GFRA2: variants seen among roughly 807,000 people sequenced by gnomAD.
GFRA2 encodes the protein GDNF family receptor alpha 2.
A neutral mutation model predicts 48.3 loss-of-function variants in GFRA2; 17 were observed. That is an observed-to-expected ratio of 0.35 (90% CI 0.24 to 0.53). The LOEUF is 0.53. GFRA2 is among the 20% of genes least tolerant of loss of function. The probability of loss-of-function intolerance (pLI) is 0.93; values close to 1 mark genes in which losing one functional copy is unlikely to be tolerated. For synonymous variants in GFRA2, 305 were observed against 257.2 expected (o/e 1.19, Z -1.78); for missense variants, 660 against 637.3 (o/e 1.04, Z -0.38).
upstream of GFRA2, chr8:21,790,147 G>A: frequency 3.1e-6 from 3 of 962,920 alleles, no homozygotes; most frequent in Non-Finnish European, 3.7e-6. Context: ...GAAAGGGCTG[G>A]AGGAGAGGTG....
intron 2 of GFRA2, among the ~76,000 whole-genome samples, chr8:21,794,185 C>G (rs1807627438): frequency 1.4e-5 from 2 of 143,252 alleles, no homozygotes; most frequent in Non-Finnish European, 3.0e-5. Flanking sequence ...TACTGTGGAC[C>G]TTGTTTTATT....
intron 4 of GFRA2, among the ~76,000 whole-genome samples, chr8:21,742,060 A>T (rs75398458): frequency 3.8e-4 from 58 of 152,348 alleles, no homozygotes; most frequent in African/African-American, 1.3e-3. Context: ...GGATACAGAC[A>T]AGTTCTAAAG....
intron 2 of GFRA2, among the ~76,000 whole-genome samples, chr8:21,801,085 A>G (rs1405049291): frequency 1.3e-5 from 2 of 152,096 alleles, no homozygotes; most frequent in South Asian, 4.2e-4. Context: ...CTGACAACTC[A>G]TTAAAACAAA....
intron 2 of GFRA2, among the ~76,000 whole-genome samples, chr8:21,798,202 T>C (rs1327861290): frequency 6.6e-6 from 1 of 152,168 alleles, no homozygotes; most frequent in Admixed American, 6.5e-5. Context: ...TGGGAGAACA[T>C]CCCACCCAGC....
At chr8:21,734,794 G>A (rs1804368792) in intron 4 of GFRA2, among the ~76,000 whole-genome samples, 1 of 152,204 alleles carries the variant, frequency 6.6e-6, no homozygotes, top group Non-Finnish European at 1.5e-5. Flanking sequence ...AAATTCTGCT[G>A]TGATGATCTT....
At chr8:21,812,005 A>T (rs1264981023) in intron 1 of GFRA2, among the ~76,000 whole-genome samples, 1 of 152,066 alleles carries the variant, frequency 6.6e-6, no homozygotes, top group East Asian at 1.9e-4. Flanking sequence ...TTCCCTCTCC[A>T]TATAGATCCC....
intron 4 of GFRA2, among the ~76,000 whole-genome samples, chr8:21,716,845 C>T (rs976304821): frequency 6.6e-6 from 1 of 152,198 alleles, no homozygotes; most frequent in Non-Finnish European, 1.5e-5. Flanking sequence ...CAAAGGACCT[C>T]CCGAAACATG....
chr8:21,762,494 TGACACCAGGACCACCC>T (rs1409778366), intron 3 of GFRA2, among the ~76,000 whole-genome samples: 1 of 152,166 alleles, frequency 6.6e-6, no homozygotes, highest in East Asian at 1.9e-4. Flanking sequence ...AGCCCTACCA[TGACACCAGGACCACCC>T]AGCAGTCTCC....
At chr8:21,721,587 G>A (rs1213417817) in intron 4 of GFRA2, among the ~76,000 whole-genome samples, 1 of 152,224 alleles carries the variant, frequency 6.6e-6, no homozygotes, top group Non-Finnish European at 1.5e-5. Flanking sequence ...ACAAAAGAGT[G>A]TTTGGGAGAT....
At chr8:21,793,873 T>TTG (rs1456821205), upstream of GFRA2, among the ~76,000 whole-genome samples, 8 of 151,654 alleles carry the variant, frequency 5.3e-5, no homozygotes, top group African/African-American at 1.9e-4. Context: ...AAAGTTTTTT[T>TTG]TTTTTTTTTT....
intron 4 of GFRA2, among the ~76,000 whole-genome samples, chr8:21,730,677 C>T (rs986249205): frequency 1.3e-5 from 2 of 152,132 alleles, no homozygotes; most frequent in Admixed American, 6.5e-5. Context: ...ACACACAGTC[C>T]ACACAAGCTC....
At chr8:21,705,582 C>T (rs1175043289) in intron 5 of GFRA2, among the ~76,000 whole-genome samples, 2 of 152,190 alleles carry the variant, frequency 1.3e-5, no homozygotes, top group Non-Finnish European at 2.9e-5. Flanking sequence ...TTATCAGCAC[C>T]CCGCTAGCAA....
intron 7 of GFRA2, among the ~76,000 whole-genome samples, chr8:21,696,133 TCTCCCTCTGTC>T (rs1266359130): frequency 1.1e-3 from 5 of 4,648 alleles, no homozygotes; most frequent in Non-Finnish European, 8.6e-4. Context: ...TCCCCTCCCC[TCTCCCTCTGTC>T]CCCTCTCCCT....
At chr8:21,758,269 C>T (rs559922730) in intron 3 of GFRA2, among the ~76,000 whole-genome samples, 16 of 152,184 alleles carry the variant, frequency 1.1e-4, no homozygotes, top group South Asian at 6.2e-4. Flanking sequence ...CCTTCACAGA[C>T]GGTGGTCTGT....
intron 8 of GFRA2, among the ~76,000 whole-genome samples, chr8:21,694,077 T>TTATATATATATATATATATATATATATA (rs1161900689): frequency 2.7e-5 from 3 of 109,294 alleles, no homozygotes; most frequent in Non-Finnish European, 6.0e-5. Flanking sequence ...TTATTTATTT[T>TTATATATATATATATATATATATATATA]TATATATATA....
chr8:21,749,370 G>T (rs532517127), intron 4 of GFRA2, among the ~76,000 whole-genome samples: 7 of 152,154 alleles, frequency 4.6e-5, no homozygotes, highest in African/African-American at 1.7e-4. Flanking sequence ...TGTGACGTGG[G>T]TATTTTTACT....
At chr8:21,736,260 AAC>A (rs1804459027) in intron 4 of GFRA2, among the ~76,000 whole-genome samples, 1 of 152,338 alleles carries the variant, frequency 6.6e-6, no homozygotes, top group African/African-American at 2.4e-5. Flanking sequence ...ATCAGGAAAA[AAC>A]AGACTCTCAT....
intron 4 of GFRA2, among the ~76,000 whole-genome samples, chr8:21,727,871 G>A (rs754249401): frequency 5.9e-5 from 9 of 152,166 alleles, no homozygotes; most frequent in African/African-American, 1.9e-4. Flanking sequence ...GGTTATTTTC[G>A]TAGTAAAAAT....
intron 3 of GFRA2, among the ~76,000 whole-genome samples, chr8:21,753,920 C>T (rs986901663): frequency 1.3e-5 from 2 of 152,232 alleles, no homozygotes; most frequent in African/African-American, 2.4e-5. Context: ...GGAACACGCC[C>T]ATCACGGCGT....
Sources: allele counts gnomAD v4.1 joint callset (sites outside exome capture counted in the v4.1 genomes callset), GRCh38; gene constraint gnomAD v4.1.1; transcripts MANE v1.5; gene names NCBI Gene and HGNC (gene_info 2026-07-23, HGNC 2026-07-21).